The following ANGPT1 variants were observed in gnomAD, a reference collection of about 807,000 sequenced individuals.
ANGPT1 encodes the protein angiopoietin-1.
In ANGPT1, 17 loss-of-function variants were observed where a neutral mutation model predicts 62.2. That is an observed-to-expected ratio of 0.27 (90% CI 0.19 to 0.41). The LOEUF is 0.41. ANGPT1 is among the 10% of genes least tolerant of loss of function. The probability of loss-of-function intolerance (pLI) is 1.00; values close to 1 mark genes in which losing one functional copy is unlikely to be tolerated. For missense variants in ANGPT1, 478 were observed against 594.9 expected (o/e 0.80, Z 2.04); for synonymous variants, 199 against 198.9 (o/e 1.00, Z 0.00).
intron 1 of ANGPT1, among the ~76,000 whole-genome samples, chr8:107,371,171 G>C (rs1816402660): frequency 6.6e-6 from 1 of 152,042 alleles, no homozygotes; most frequent in African/African-American, 2.4e-5. Context: ...GGCTGGAAAA[G>C]GAAAAGGAAA....
At chr8:107,434,096 A>C (rs2130413408) in intron 1 of ANGPT1, among the ~76,000 whole-genome samples, 1 of 152,348 alleles carries the variant, frequency 6.6e-6, no homozygotes. Flanking sequence ...CTATTGGAGA[A>C]GTATTTGAGC....
intron 1 of ANGPT1, among the ~76,000 whole-genome samples, chr8:107,420,610 C>G (rs1481786286): frequency 1.3e-5 from 2 of 152,102 alleles, no homozygotes; most frequent in Non-Finnish European, 2.9e-5. Context: ...CTCATATCCT[C>G]TCATATATAT....
In ANGPT1 at chr8:107,251,787, C is replaced by A; in HGVS notation, c.*68G>T. 1 of 1,577,036 alleles carries A rather than the reference C, an allele frequency of 6.3e-7. No individual in the cohort carries two copies. ...ATTGTTTGCTTCTGAAGTTTTCAAACAGTTTCTCACCTGGCAGCTTCTCCG... is the reference window on the plus strand; with the variant it reads ...ATTGTTTGCTTCTGAAGTTTTCAAAAAGTTTCTCACCTGGCAGCTTCTCCG... On this transcript the variant is annotated 3_prime_UTR_variant, in exon 9 of 9. Transcript: ENST00000517746.
intron 3 of ANGPT1, among the ~76,000 whole-genome samples, chr8:107,325,359 A>C (rs1815262347): frequency 6.6e-6 from 1 of 152,210 alleles, no homozygotes; most frequent in South Asian, 2.1e-4. Flanking sequence ...CATAATTTAG[A>C]GTTGTTAACT....
chr8:107,322,595 A>G (rs958673804), intron 3 of ANGPT1: 4 of 183,484 alleles, frequency 2.2e-5, no homozygotes, highest in East Asian at 1.6e-4. Context: ...AAATTTCACG[A>G]TAGTTCTGTG....
chr8:107,463,705 T>A (rs1812128485), intron 1 of ANGPT1, among the ~76,000 whole-genome samples: 1 of 152,068 alleles, frequency 6.6e-6, no homozygotes, highest in Non-Finnish European at 1.5e-5. Context: ...ATATATATAA[T>A]CAATTCCCAT....
At chr8:107,282,454 G>A (rs905043432) in intron 7 of ANGPT1, among the ~76,000 whole-genome samples, 10 of 147,292 alleles carry the variant, frequency 6.8e-5, no homozygotes, top group Non-Finnish European at 7.4e-5. Flanking sequence ...GTGTGTGTGT[G>A]TGCGTGTGTA....
intron 5 of ANGPT1, among the ~76,000 whole-genome samples, chr8:107,302,035 A>C (rs190252243): frequency 1.3e-5 from 2 of 151,958 alleles, no homozygotes; most frequent in Non-Finnish European, 2.9e-5. Context: ...TATGCACTGC[A>C]TGGAAGTGTT....
rs563020653 is a variant in ANGPT1, at chr8:107,299,304, A to T, written c.936+3936T>A. Among the ~76,000 whole-genome samples the T allele has an allele frequency of 6.0e-5, 9 of 149,322 alleles. 1 individual carries two copies. The Middle Eastern group carries it at 0.021, about 346-fold the overall frequency. Reference sequence around the variant, plus strand: ...AGTCAATATTCAATATTTGCTAAGAATTTGTATGGGGCAGGTTAACTTTCT... The same window carrying T: ...AGTCAATATTCAATATTTGCTAAGATTTTGTATGGGGCAGGTTAACTTTCT... On this transcript the variant is annotated intron_variant, in intron 5 of 8. Transcript: ENST00000517746.
At chr8:107,453,839 CA>C (rs1811844836) in intron 1 of ANGPT1, among the ~76,000 whole-genome samples, 1 of 147,014 alleles carries the variant, frequency 6.8e-6, no homozygotes, top group Non-Finnish European at 1.5e-5. Context: ...TGAACAGATG[CA>C]CATAGTATAT....
chr8:107,256,668 T>C (rs1813363725), intron 8 of ANGPT1, among the ~76,000 whole-genome samples: 1 of 152,180 alleles, frequency 6.6e-6, no homozygotes, highest in Admixed American at 6.5e-5. Context: ...GACTTTGTAT[T>C]TTGTTTATGC....
At chr8:107,273,701 T>A (rs1813792877) in intron 7 of ANGPT1, among the ~76,000 whole-genome samples, 1 of 151,994 alleles carries the variant, frequency 6.6e-6, no homozygotes, top group Non-Finnish European at 1.5e-5. Flanking sequence ...TCTAAGGATT[T>A]CCTCTATGAA....
intron 6 of ANGPT1, among the ~76,000 whole-genome samples, chr8:107,293,197 GTGATGATGATGATGATGA>G (rs5893837): frequency 0.13 from 19,125 of 148,736 alleles, 1,493 homozygotes; most frequent in East Asian, 0.35. Context: ...GAGAAGAACT[GTGATGATGATGATGATGA>G]TGATGATGAT....
intron 8 of ANGPT1, among the ~76,000 whole-genome samples, chr8:107,261,885 G>A (rs1230408562): frequency 6.6e-6 from 1 of 151,610 alleles, no homozygotes; most frequent in Non-Finnish European, 1.5e-5. Flanking sequence ...TGGGGATAGG[G>A]AGGAAGACAA....
rs542900350 is a variant in ANGPT1 at position 107,410,530 on chromosome 8, T to C, written c.298-63433A>G. ...CCTTCGTTCTGCAGCTAGACACTAA[T>C]TGTTTTGGTAGAGGAAACTGTCTTG... On this transcript the variant is annotated intron_variant, in intron 1 of 8. Transcript: ENST00000517746. 3.8e-4 allele frequency among the ~76,000 whole-genome samples: 58 copies of C among 152,198 alleles called. 1 individual carries two copies. The highest frequency in any genetic ancestry group is 2.9e-5 in the Non-Finnish European group (2 of 68,046).
chr8:107,496,276 G>T lies in ANGPT1; in HGVS notation c.297+986C>A, dbSNP rs115491893. On this transcript the variant is annotated intron_variant, in intron 1 of 8. Transcript: ENST00000517746. ...CAGTTGAATATACTTATTCTCGGCT[G>T]CCTATTATTAAACAGAGTGCAAAGA... Among the ~76,000 whole-genome samples the T allele has an allele frequency of 1.5e-3, 226 of 152,272 alleles. 1 individual carries two copies. Among genetic ancestry groups the T allele is most frequent in the African/African-American group, 5.3e-3 (221 of 41,524 alleles).
At chr8:107,320,710 T>C (rs1815130112) in intron 4 of ANGPT1, among the ~76,000 whole-genome samples, 1 of 152,134 alleles carries the variant, frequency 6.6e-6, no homozygotes, top group Non-Finnish European at 1.5e-5. Context: ...CAAAGCATAT[T>C]AAAGGCTTGT....
intron 1 of ANGPT1, among the ~76,000 whole-genome samples, chr8:107,377,140 A>T (rs1816545651): frequency 6.6e-6 from 1 of 152,144 alleles, no homozygotes; most frequent in African/African-American, 2.4e-5. Context: ...CATTTGTTTC[A>T]TTTCACTTCA....
At chr8:107,413,549 A>G (rs958641832) in intron 1 of ANGPT1, among the ~76,000 whole-genome samples, 3 of 151,080 alleles carry the variant, frequency 2.0e-5, no homozygotes, top group African/African-American at 7.3e-5. Context: ...ATTAAATATT[A>G]CATTAAATTA....
Sources: gnomAD v4.1 joint callset for allele counts (sites outside exome capture counted in the v4.1 genomes callset) on GRCh38, gnomAD v4.1.1 for gene constraint, MANE v1.5 for transcripts, NCBI Gene and HGNC (gene_info 2026-07-23, HGNC 2026-07-21) for gene names.